TSPAN11: variants seen among roughly 807,000 people sequenced by gnomAD.
TSPAN11 encodes the protein tetraspanin 11.
TSPAN11 carries 29 observed loss-of-function variants against 32.9 expected under a neutral mutation model. The ratio of observed to expected loss-of-function variants is 0.88; its 90% confidence interval spans 0.66 to 1.20. The LOEUF (loss-of-function observed/expected upper bound fraction) is 1.20. Ranked by LOEUF, TSPAN11 falls within the 50% of genes most tolerant of loss-of-function variation. TSPAN11 has a pLI of 0.00. For missense variants in TSPAN11, 283 were observed against 329.1 expected (o/e 0.86, Z 1.08); for synonymous variants, 140 against 141.3 (o/e 0.99, Z 0.07).
intron 1 of TSPAN11, among the ~76,000 whole-genome samples, chr12:30,940,958 C>G (rs181716063): frequency 6.6e-6 from 1 of 152,284 alleles, no homozygotes; most frequent in East Asian, 1.9e-4. Flanking sequence ...AATTTAATGC[C>G]TGATGATCAG....
intron 2 of TSPAN11, among the ~76,000 whole-genome samples, chr12:30,957,228 A>ACCCCCCCCCCCCCCCCCCCCCCC (rs56296744): frequency 9.3e-6 from 1 of 107,406 alleles, no homozygotes; most frequent in Non-Finnish European, 2.0e-5. Flanking sequence ...ATGGCCTGGG[A>ACCCCCCCCCCCCCCCCCCCCCCC]CCCCCCCCCC....
chr12:30,957,651 C>G (rs12311975), intron 2 of TSPAN11, among the ~76,000 whole-genome samples: 1 of 128,288 alleles, frequency 7.8e-6, no homozygotes, highest in South Asian at 2.6e-4. Context: ...CTCCCTCCCT[C>G]CCTTCCTCCC....
chr12:30,944,330 C>T (rs947906375), intron 1 of TSPAN11, among the ~76,000 whole-genome samples: 28 of 152,146 alleles, frequency 1.8e-4, no homozygotes, highest in African/African-American at 6.5e-4. Flanking sequence ...ATCTCTTGAA[C>T]TTATTCCTCT....
At chr12:30,986,445 C>T (rs767543397) in intron 7 of TSPAN11, among the ~76,000 whole-genome samples, 3 of 152,184 alleles carry the variant, frequency 2.0e-5, no homozygotes, top group Non-Finnish European at 4.4e-5. Context: ...GTACATAAAC[C>T]ATAGGAGGTG....
At chr12:30,965,253 G>A (rs548071145) in intron 3 of TSPAN11, among the ~76,000 whole-genome samples, 54 of 152,270 alleles carry the variant, frequency 3.5e-4, no homozygotes, top group African/African-American at 1.1e-3. Flanking sequence ...TGTCCTGTCC[G>A]GCTCTGCACC....
the TSPAN11 span, among the ~76,000 whole-genome samples, chr12:31,005,623 A>C: frequency 1.3e-5 from 2 of 152,194 alleles, no homozygotes; most frequent in African/African-American, 4.8e-5. Context: ...ACCACTGAGA[A>C]GGCTGAGGCT....
intron 1 of TSPAN11, chr12:30,927,046 A>G (rs1311215805): frequency 7.8e-7 from 1 of 1,277,526 alleles, no homozygotes; most frequent in East Asian, 6.1e-5. Context: ...GGTGTCCATA[A>G]CTATGCGCAT....
chr12:30,973,183 C>G (rs897198947), intron 3 of TSPAN11, among the ~76,000 whole-genome samples: 2 of 152,198 alleles, frequency 1.3e-5, no homozygotes, highest in African/African-American at 2.4e-5. Flanking sequence ...TCGCTCACCA[C>G]GTACTTGCTA....
the TSPAN11 span, chr12:31,015,470 T>C: frequency 6.6e-6 from 1 of 152,218 alleles, no homozygotes; most frequent in South Asian, 2.1e-4. This position sits in a 1 kb window ranked among gnomAD's most constrained non-coding sequence, Gnocchi z 4.9. Context: ...GTTCCCCGTA[T>C]AATTGGTGCC....
chr12:30,980,892 G>A (rs2140305193), intron 5 of TSPAN11, among the ~76,000 whole-genome samples: 1 of 152,338 alleles, frequency 6.6e-6, no homozygotes, highest in East Asian at 1.9e-4. Flanking sequence ...TCACCTGTGA[G>A]GAAATGTGCT....
chr12:30,992,206 T>TCACCA lies in TSPAN11; in HGVS notation c.*291_*292insCACCA, dbSNP rs1939329037. On this transcript the variant is annotated 3_prime_UTR_variant, in exon 8 of 8. Transcript: ENST00000546076. Reference sequence around the variant, plus strand: ...CCCTCACCAGGAACGGGGGCACCCGTGGACTACGGGAGGGTGGCGGTTGGG... The same window carrying TCACCA: ...CCCTCACCAGGAACGGGGGCACCCGTCACCAGGACTACGGGAGGGTGGCGGTTGGG... 5.9e-6 allele frequency: 3 copies of TCACCA among 507,188 alleles called. No individual in the cohort carries two copies. Among genetic ancestry groups the TCACCA allele is most frequent in the Non-Finnish European group, 1.1e-5 (3 of 280,164 alleles). 31.4% of individuals were successfully genotyped at this position (507,188 alleles called of 1,614,324 possible).
At chr12:30,942,727 T>TAAA (rs10661944) in intron 1 of TSPAN11, among the ~76,000 whole-genome samples, 11 of 143,524 alleles carry the variant, frequency 7.7e-5, no homozygotes, top group African/African-American at 2.3e-4. Flanking sequence ...CAAATGAAGT[T>TAAA]AAAAAAAAAA....
chr12:30,932,724 A>G (rs1056995614), intron 1 of TSPAN11, among the ~76,000 whole-genome samples: 2 of 152,142 alleles, frequency 1.3e-5, no homozygotes, highest in Non-Finnish European at 2.9e-5. Flanking sequence ...GCTTTATACA[A>G]TTTCAGGGGC....
chr12:30,932,086 A>G (rs745846429), intron 1 of TSPAN11, among the ~76,000 whole-genome samples: 1 of 151,708 alleles, frequency 6.6e-6, no homozygotes, highest in African/African-American at 2.4e-5. Context: ...CAGATAGGTA[A>G]TTTGTGGGAC....
At chr12:30,933,323 A>G (rs1937973205) in intron 1 of TSPAN11, among the ~76,000 whole-genome samples, 1 of 152,180 alleles carries the variant, frequency 6.6e-6, no homozygotes, top group African/African-American at 2.4e-5. Context: ...CCCTCCATGT[A>G]TGTGACAGCC....
chr12:30,973,660 G>T (rs539658912), intron 3 of TSPAN11, among the ~76,000 whole-genome samples: 1 of 152,234 alleles, frequency 6.6e-6, no homozygotes, highest in Non-Finnish European at 1.5e-5. Flanking sequence ...GGGCTCTATT[G>T]GTGGAGCGGG....
rs373421019 is a variant in TSPAN11, at chr12:30,975,228, G to A, written c.277-3333G>A. Among the ~76,000 whole-genome samples, 6 of 152,146 alleles carry A rather than the reference G, an allele frequency of 3.9e-5. No individual in the cohort carries two copies. The highest frequency in any genetic ancestry group is 7.4e-5 in the Non-Finnish European group (5 of 68,008). ...CAGGGTGGAGGGGCAGAGGTGACAG[G>A]TCTGTCAGAGCCCATGACCTCACCC... On this transcript the variant is annotated intron_variant, in intron 3 of 7. Coordinates refer to ENST00000546076, the MANE Select transcript of TSPAN11 (RefSeq NM_001370302.1). The surrounding 1 kb of genome is among the most constrained non-coding windows in gnomAD (Gnocchi z 4.5).
chr12:30,927,490 G>A (rs1172898848), intron 1 of TSPAN11, among the ~76,000 whole-genome samples: 1 of 152,156 alleles, frequency 6.6e-6, no homozygotes. Context: ...TGGGCTTGGC[G>A]GGACAGCATC....
chr12:30,971,924 C>T (rs1938860468), intron 3 of TSPAN11, among the ~76,000 whole-genome samples: 1 of 151,972 alleles, frequency 6.6e-6, no homozygotes, highest in Non-Finnish European at 1.5e-5. Flanking sequence ...AGAAAATATC[C>T]AGTTTTGCTT....
Sources: allele counts gnomAD v4.1 joint callset (sites outside exome capture counted in the v4.1 genomes callset), GRCh38; gene constraint gnomAD v4.1.1; non-coding constraint Gnocchi (gnomAD v3.1); transcripts MANE v1.5; gene names NCBI Gene and HGNC (gene_info 2026-07-23, HGNC 2026-07-21).